The following SLC41A2 variants were observed in gnomAD, a reference collection of about 807,000 sequenced individuals.
SLC41A2 encodes the protein SLC41A1-like 1.
A neutral mutation model predicts 58.3 loss-of-function variants in SLC41A2; 32 were observed. The ratio of observed to expected loss-of-function variants is 0.55; its 90% CI spans 0.41 to 0.74. SLC41A2 has a LOEUF of 0.74. Ranked by LOEUF, SLC41A2 falls within the 30% of genes least tolerant of loss-of-function variation. The pLI, the probability that SLC41A2 is intolerant of heterozygous loss-of-function variation, is 0.00. For missense variants in SLC41A2, 514 were observed against 680.6 expected (o/e 0.76, Z 2.72); for synonymous variants, 190 against 235.0 (o/e 0.81, Z 1.75).
At chr12:104,943,598 T>C (rs2047596229) in intron 1 of SLC41A2, among the ~76,000 whole-genome samples, 1 of 152,128 alleles carries the variant, frequency 6.6e-6, no homozygotes, top group Non-Finnish European at 1.5e-5. Flanking sequence ...CGAAGGCACC[T>C]CTCCTGAGGA....
chr12:104,833,147 T>C (rs971989729), intron 10 of SLC41A2, among the ~76,000 whole-genome samples: 2 of 152,188 alleles, frequency 1.3e-5, no homozygotes, highest in East Asian at 1.9e-4. Flanking sequence ...TCTACACTCA[T>C]TGGAAAAGAC....
chr12:104,932,453 T>C (rs964815347), intron 1 of SLC41A2, among the ~76,000 whole-genome samples: 1 of 151,530 alleles, frequency 6.6e-6, no homozygotes, highest in South Asian at 2.1e-4. Context: ...GGCGAAACCT[T>C]GTCTCTACAA....
chr12:104,886,708 C>G (rs1222227881), intron 5 of SLC41A2, among the ~76,000 whole-genome samples: 1 of 151,816 alleles, frequency 6.6e-6, no homozygotes, highest in African/African-American at 2.4e-5. Flanking sequence ...GCTAAAATTT[C>G]AGATTTAGTG....
At chr12:104,848,422 T>G (rs550125932) in intron 8 of SLC41A2, among the ~76,000 whole-genome samples, 1 of 151,576 alleles carries the variant, frequency 6.6e-6, no homozygotes, top group Non-Finnish European at 1.5e-5. Flanking sequence ...GAAAAAAAAT[T>G]AAACCAAAAG....
intron 6 of SLC41A2, among the ~76,000 whole-genome samples, chr12:104,874,265 G>A (rs1162493979): frequency 6.6e-6 from 1 of 151,776 alleles, no homozygotes; most frequent in East Asian, 1.9e-4. Flanking sequence ...TAGTAAAGAT[G>A]GGTTTTCACC....
At chr12:104,944,975 A>T (rs932176312) in intron 1 of SLC41A2, among the ~76,000 whole-genome samples, 2 of 150,892 alleles carry the variant, frequency 1.3e-5, no homozygotes, top group Non-Finnish European at 3.0e-5. Context: ...GTTCGAGACC[A>T]GCCTGGCCAA....
At chr12:104,928,944 T>C (rs1426085758) in intron 1 of SLC41A2, among the ~76,000 whole-genome samples, 1 of 152,180 alleles carries the variant, frequency 6.6e-6, no homozygotes, top group Non-Finnish European at 1.5e-5. Context: ...TTTGCATACT[T>C]TATGTGATCA....
At chr12:104,812,865 C>CAAA (rs112437484) in intron 10 of SLC41A2, among the ~76,000 whole-genome samples, 1 of 146,832 alleles carries the variant, frequency 6.8e-6, no homozygotes, top group African/African-American at 2.5e-5. Context: ...GGAGCACTTG[C>CAAA]AAAAAAAAAA....
intron 10 of SLC41A2, among the ~76,000 whole-genome samples, chr12:104,808,227 T>G (rs933745009): frequency 6.6e-6 from 1 of 152,198 alleles, no homozygotes; most frequent in Non-Finnish European, 1.5e-5. Context: ...TCTTATTATT[T>G]TGAGATATGT....
chr12:104,947,465 G>A (rs1016259011), intron 1 of SLC41A2, among the ~76,000 whole-genome samples: 1 of 151,820 alleles, frequency 6.6e-6, no homozygotes, highest in Non-Finnish European at 1.5e-5. Context: ...CTCCCAAAGT[G>A]CTGGGATTCC....
At chr12:104,870,377 A>T (rs1475045103) in intron 6 of SLC41A2, among the ~76,000 whole-genome samples, 1 of 152,206 alleles carries the variant, frequency 6.6e-6, no homozygotes, top group Non-Finnish European at 1.5e-5. Context: ...TTTTGAATTT[A>T]TACTTAATTG....
At chr12:104,946,794 G>A (rs1366342042) in intron 1 of SLC41A2, among the ~76,000 whole-genome samples, 1 of 152,168 alleles carries the variant, frequency 6.6e-6, no homozygotes, top group East Asian at 1.9e-4. Flanking sequence ...AATTAAGAGA[G>A]ATAATCTGCT....
chr12:104,884,085 G>T (rs796113335), intron 6 of SLC41A2, among the ~76,000 whole-genome samples: 2 of 152,200 alleles, frequency 1.3e-5, no homozygotes, highest in Non-Finnish European at 2.9e-5. Context: ...CCACCTCGCA[G>T]TTCCATCTCA....
intron 1 of SLC41A2, among the ~76,000 whole-genome samples, chr12:104,956,177 A>T (rs1173558693): frequency 1.3e-5 from 2 of 152,238 alleles, no homozygotes; most frequent in Admixed American, 6.5e-5. Context: ...ATACCAGGGC[A>T]GTAAATGTAA....
At position 104,928,447 on chromosome 12, in the gene SLC41A2, A is replaced by C; in HGVS notation, c.81T>G (p.Thr27=). Reference sequence around the variant, plus strand: ...CGGATTGAATTGTGTTTAAACGTAAAGTCCAATCTACAAAACCTCCTCCAC... The same window carrying C: ...CGGATTGAATTGTGTTTAAACGTAACGTCCAATCTACAAAACCTCCTCCAC... ...PSSGGGFVDW[T]LRLNTIQSDK... is the part of the protein sequence containing the mutation. The change falls in exon 2 of 11, where the codon ACT becomes ACG. Residue 27 remains threonine, a synonymous_variant. Coordinates refer to ENST00000258538, the MANE Select transcript of SLC41A2 (RefSeq NM_001352171.3). 2 of 1,551,146 alleles carry C rather than the reference A, an allele frequency of 1.3e-6. No individual in the cohort carries two copies. The highest frequency in any genetic ancestry group is 1.7e-6 in the Non-Finnish European group (2 of 1,146,742).
chr12:104,807,880 G>A (rs1314244852), intron 10 of SLC41A2, among the ~76,000 whole-genome samples: 4 of 152,106 alleles, frequency 2.6e-5, no homozygotes, highest in Non-Finnish European at 5.9e-5. Flanking sequence ...TGTTATTGGT[G>A]TATAAGAATG....
chr12:104,908,942 G>T (rs751186238), intron 3 of SLC41A2, among the ~76,000 whole-genome samples: 6 of 152,138 alleles, frequency 3.9e-5, no homozygotes, highest in Non-Finnish European at 8.8e-5. Flanking sequence ...CATAATAGAA[G>T]AATGTTAGAA....
chr12:104,879,037 T>C (rs140593910), intron 6 of SLC41A2, among the ~76,000 whole-genome samples: 1,895 of 152,330 alleles, frequency 0.012, 52 homozygotes, highest in African/African-American at 0.044. Flanking sequence ...TCATTGTGGT[T>C]TTGATTTGCA....
chr12:104,871,593 T>C (rs2043779396), intron 6 of SLC41A2, among the ~76,000 whole-genome samples: 1 of 152,226 alleles, frequency 6.6e-6, no homozygotes, highest in South Asian at 2.1e-4. Context: ...AATTCCCAGA[T>C]ACTTTCTGCT....
Sources: gnomAD v4.1 joint callset for allele counts (sites outside exome capture counted in the v4.1 genomes callset) on GRCh38, gnomAD v4.1.1 for gene constraint, MANE v1.5 for transcripts, NCBI Gene and HGNC (gene_info 2026-07-23, HGNC 2026-07-21) for gene names.